The following CSMD3 variants were observed in gnomAD, a reference collection of about 807,000 sequenced individuals.
The protein encoded by CSMD3 is CUB and sushi domain-containing protein 3.
In CSMD3, 177 loss-of-function variants were observed where a neutral mutation model predicts 435.2. That is an observed-to-expected ratio of 0.41 (90% CI 0.36 to 0.46). The LOEUF (loss-of-function observed/expected upper bound fraction) is 0.46. Ranked by LOEUF, CSMD3 falls within the 20% of genes least tolerant of loss-of-function variation. The pLI, the probability that CSMD3 is intolerant of heterozygous loss-of-function variation, is 0.34. For missense variants in CSMD3, 4,265 were observed against 4,504.6 expected (o/e 0.95, Z 1.52); for synonymous variants, 1,656 against 1,520.5 (o/e 1.09, Z -2.07).
intron 13 of CSMD3, among the ~76,000 whole-genome samples, chr8:112,793,144 T>C (rs1164166426): frequency 6.8e-6 from 1 of 147,684 alleles, no homozygotes; most frequent in Admixed American, 6.8e-5. Context: ...TTTAATATAT[T>C]ACATATTAAA....
chr8:113,340,173 G>GT (rs1186243414), intron 1 of CSMD3, among the ~76,000 whole-genome samples: 2 of 151,864 alleles, frequency 1.3e-5, no homozygotes, highest in African/African-American at 4.8e-5. Context: ...TTTATTGCAA[G>GT]TTTTTTATTG....
In CSMD3 at chr8:112,990,850, A is replaced by G. The variant is rs546436700; in HGVS notation, c.1031-14702T>C. 2.0e-5 allele frequency among the ~76,000 whole-genome samples: 3 copies of G among 152,046 alleles called. No individual in the cohort carries two copies. The East Asian group carries it at 5.8e-4, about 29-fold the overall frequency. Reference sequence around the variant, plus strand: ...ACAGTCCTCCAACTCCACTCACTGTAGTTACCACTACATTTCTCTCTTCCC... The same window carrying G: ...ACAGTCCTCCAACTCCACTCACTGTGGTTACCACTACATTTCTCTCTTCCC... On this transcript the variant is annotated intron_variant, in intron 6 of 70. Transcript: ENST00000297405.
intron 5 of CSMD3, among the ~76,000 whole-genome samples, chr8:113,096,518 C>T (rs2131536210): frequency 6.6e-6 from 1 of 152,136 alleles, no homozygotes; most frequent in South Asian, 2.1e-4. Flanking sequence ...TTTTAGCTTT[C>T]CCTCCTATAG....
At chr8:112,684,088 A>T (rs1399465426) in intron 15 of CSMD3, among the ~76,000 whole-genome samples, 1 of 151,894 alleles carries the variant, frequency 6.6e-6, no homozygotes, top group Non-Finnish European at 1.5e-5. Context: ...AACCAGGAAA[A>T]GGGAGACCTA....
intron 5 of CSMD3, among the ~76,000 whole-genome samples, chr8:113,095,708 T>G (rs1222279463): frequency 5.3e-5 from 8 of 152,128 alleles, no homozygotes; most frequent in Admixed American, 5.2e-4. Context: ...AAATGATACA[T>G]ACAGTTTAAA....
intron 6 of CSMD3, among the ~76,000 whole-genome samples, chr8:113,018,467 T>C (rs946076231): frequency 1.3e-5 from 2 of 152,094 alleles, no homozygotes; most frequent in African/African-American, 4.8e-5. Context: ...ATTATTTACA[T>C]AAGTAGTCTG....
intron 15 of CSMD3, among the ~76,000 whole-genome samples, chr8:112,684,058 A>G (rs2075960105): frequency 6.6e-6 from 1 of 151,860 alleles, no homozygotes; most frequent in South Asian, 2.1e-4. Context: ...TTATCAATTA[A>G]ATTATTTACT....
At chr8:113,053,888 T>A (rs2088204285) in intron 5 of CSMD3, among the ~76,000 whole-genome samples, 1 of 152,190 alleles carries the variant, frequency 6.6e-6, no homozygotes, top group Non-Finnish European at 1.5e-5. Flanking sequence ...TCCCACGGCC[T>A]TAAATTTGAG....
chr8:113,272,042 T>A (rs551356213), intron 3 of CSMD3, among the ~76,000 whole-genome samples: 2 of 152,306 alleles, frequency 1.3e-5, no homozygotes, highest in South Asian at 2.1e-4. Context: ...TATGGACAAT[T>A]TCTCCCATTT....
intron 10 of CSMD3, among the ~76,000 whole-genome samples, chr8:112,862,027 G>A (rs765020607): frequency 6.6e-5 from 10 of 151,856 alleles, no homozygotes; most frequent in Admixed American, 5.3e-4. Flanking sequence ...ATAAAATAGT[G>A]CTCTCTTCAT....
intron 1 of CSMD3, among the ~76,000 whole-genome samples, chr8:113,417,793 G>T (rs1188307385): frequency 6.6e-6 from 1 of 151,860 alleles, no homozygotes; most frequent in Admixed American, 6.6e-5. Flanking sequence ...AAGGAAATTA[G>T]AACATTAACA....
At chr8:112,804,727 C>T (rs932327601) in intron 12 of CSMD3, among the ~76,000 whole-genome samples, 4 of 151,106 alleles carry the variant, frequency 2.6e-5, no homozygotes, top group South Asian at 4.2e-4. Flanking sequence ...TGCATTGGCG[C>T]GATCTCGGCT....
Position 112,231,622 on chromosome 8 carries a change from T to C in CSMD3, c.10751A>G (p.Glu3584Gly). The change falls in exon 69 of 71, where the codon GAG (glutamate) becomes GGG (glycine). Residue 3584 changes from glutamate to glycine, a missense_variant. By Grantham distance (98) the Glu-to-Gly change is moderately conservative (BLOSUM62 -2). This residue lies in a region of CSMD3 where 3,255 missense variants were observed against 3,380.2 expected (regional missense o/e 0.96). Transcript: ENST00000297405. Reference sequence around the variant, plus strand: ...AAATACATAAGTAGCTCCATCAGGCTCAGCAGAAACCTAAAAATATTTAAA... The same window carrying C: ...AAATACATAAGTAGCTCCATCAGGCCCAGCAGAAACCTAAAAATATTTAAA... ...NWAMDGFVSAEPDGATYVFQG... is the reference protein window; with the variant it reads ...NWAMDGFVSAGPDGATYVFQG... 1.2e-6 allele frequency: 2 copies of C among 1,608,244 alleles called. No individual in the cohort carries two copies. The highest frequency in any genetic ancestry group is 1.7e-6 in the Non-Finnish European group (2 of 1,174,986).
intron 7 of CSMD3, among the ~76,000 whole-genome samples, chr8:112,970,633 G>A (rs1458347912): frequency 2.0e-5 from 3 of 151,392 alleles, no homozygotes; most frequent in Non-Finnish European, 2.9e-5. Context: ...TTTCTATTCA[G>A]CCTAAATACC....
intron 6 of CSMD3, among the ~76,000 whole-genome samples, chr8:113,013,993 G>C (rs2086358247): frequency 6.6e-6 from 1 of 152,126 alleles, no homozygotes; most frequent in Non-Finnish European, 1.5e-5. Context: ...GCAGAACATA[G>C]ATTGCAAGGT....
chr8:112,948,268 C>T (rs2083684265), intron 8 of CSMD3, among the ~76,000 whole-genome samples: 1 of 151,816 alleles, frequency 6.6e-6, no homozygotes, highest in African/African-American at 2.4e-5. Context: ...TATTTGGATC[C>T]TTATTATTTT....
intron 38 of CSMD3, among the ~76,000 whole-genome samples, chr8:112,373,398 A>G (rs1828628234): frequency 6.6e-6 from 1 of 152,062 alleles, no homozygotes; most frequent in Non-Finnish European, 1.5e-5. Context: ...GATAGGAAAA[A>G]GTTAATATGC....
intron 5 of CSMD3, among the ~76,000 whole-genome samples, chr8:113,019,530 GTTTA>G (rs1020838545): frequency 1.6e-3 from 238 of 148,558 alleles, no homozygotes; most frequent in African/African-American, 5.7e-3. Context: ...GTTATATATT[GTTTA>G]TTATTTATTA....
chr8:112,290,637 T>TA (rs1328617699), intron 56 of CSMD3, among the ~76,000 whole-genome samples: 3 of 152,010 alleles, frequency 2.0e-5, no homozygotes, highest in Non-Finnish European at 4.4e-5. Context: ...CTCATGAACA[T>TA]AAAAAAATCC....
Sources: allele counts gnomAD v4.1 joint callset (sites outside exome capture counted in the v4.1 genomes callset), GRCh38; gene constraint gnomAD v4.1.1; regional missense constraint gnomAD v4.1.1; transcripts MANE v1.5; gene names NCBI Gene and HGNC (gene_info 2026-07-23, HGNC 2026-07-21).